The following CFAP61 variants were observed in gnomAD, a reference collection of about 807,000 sequenced individuals.
CFAP61 encodes cilia and flagella associated protein 61, also known as cilia- and flagella-associated protein 61.
CFAP61 carries 107 observed loss-of-function variants against 135.6 expected under a neutral mutation model. The ratio of observed to expected loss-of-function variants is 0.79; its 90% CI spans 0.67 to 0.93. The LOEUF (loss-of-function observed/expected upper bound fraction) is 0.93, where lower values mean the gene tolerates loss of function less well. Among genes scored for constraint, CFAP61 ranks in the 40% least tolerant of loss-of-function variants. The pLI, the probability that CFAP61 is intolerant of heterozygous loss-of-function variation, is 0.00. For missense variants in CFAP61, 1,507 were observed against 1,556.2 expected (o/e 0.97, Z 0.53); for synonymous variants, 575 against 578.5 (o/e 0.99, Z 0.09).
intron 26 of CFAP61, 89 bp downstream of exon 26, chr20:20,342,010 C>A: frequency 1.2e-6 from 1 of 838,916 alleles, no homozygotes; most frequent in Non-Finnish European, 1.9e-6. Flanking sequence ...CCCTACATTC[C>A]CATTTTATGG....
chr20:20,248,241 A>C (rs1186290641), intron 19 of CFAP61, among the ~76,000 whole-genome samples: 1 of 152,192 alleles, frequency 6.6e-6, no homozygotes, highest in Admixed American at 6.5e-5. Flanking sequence ...GCATGTCATC[A>C]CATTTCTTAG....
At position 20,169,473 on chromosome 20, in the gene CFAP61, A is replaced by G. The variant is rs1404084992; in HGVS notation, c.1385+13A>G. ...CTGGATTGCTCAAGTGAGTAGACAC[A>G]TGTTTGGCCACACAACAATCCATGA... On this transcript the variant is annotated intron_variant, in intron 13 of 26. Coordinates refer to ENST00000245957, the MANE Select transcript of CFAP61 (RefSeq NM_015585.4). 3 of 1,590,480 alleles carry G rather than the reference A, an allele frequency of 1.9e-6. No homozygotes were observed. The highest frequency in any genetic ancestry group is 2.6e-6 in the Non-Finnish European group (3 of 1,165,430).
In CFAP61 at chr20:20,067,646, T is replaced by A. The variant is rs894283425; in HGVS notation, c.144-3208T>A. Among the ~76,000 whole-genome samples the A allele has an allele frequency of 3.1e-4, 31 of 100,896 alleles. 1 individual carries two copies. Among genetic ancestry groups the A allele is most frequent in the Non-Finnish European group, 2.5e-4 (13 of 51,430 alleles). 66.2% of individuals were successfully genotyped at this position (100,896 alleles called of 152,430 possible). A position where few individuals can be genotyped will look rare whatever the true frequency, so the allele number is the denominator to read the frequency against. ...GACACAGCGAGACTCCATCTCAAAA[T>A]ATATATATATATATATAATATATAT... On this transcript the variant is annotated intron_variant, in intron 2 of 26. Transcript: ENST00000245957.
At chr20:20,111,226 C>G (rs1445026904) in intron 8 of CFAP61, among the ~76,000 whole-genome samples, 2 of 152,102 alleles carry the variant, frequency 1.3e-5, no homozygotes, top group Non-Finnish European at 2.9e-5. Context: ...AAAATGGTAA[C>G]AGACCACATT....
Position 20,350,793 on chromosome 20 carries a change from A to G in CFAP61, c.3513+8872A>G, listed in dbSNP as rs117437661. ...TAAACAAATGTGGTCTAGCCACGCA[A>G]TGGAATAGTATTCAGCCATGAAGAG... On this transcript the variant is annotated intron_variant, in intron 26 of 26. Transcript: ENST00000245957. 4.4e-3 allele frequency among the ~76,000 whole-genome samples: 667 copies of G among 152,370 alleles called. 3 individuals carry two copies. Among genetic ancestry groups the G allele is most frequent in the Middle Eastern group, 6.8e-3 (2 of 294 alleles).
chr20:20,253,350 T>C, intron 20 of CFAP61: 2 of 192,022 alleles, frequency 1.0e-5, no homozygotes, highest in South Asian at 1.8e-4. Flanking sequence ...TTCTGGGCTA[T>C]CTTTTTCTTC....
intron 11 of CFAP61, among the ~76,000 whole-genome samples, chr20:20,166,191 A>T (rs1162234375): frequency 1.3e-5 from 2 of 152,238 alleles, no homozygotes; most frequent in African/African-American, 4.8e-5. Flanking sequence ...ATTGATGTGA[A>T]AGTGCCTTCA....
chr20:20,298,151 T>C, intron 24 of CFAP61, 30 bp from the exon 25 acceptor site: 2 of 1,488,810 alleles, frequency 1.3e-6, no homozygotes, highest in Non-Finnish European at 9.4e-7. Flanking sequence ...GTTTCTAATG[T>C]TGTTTTTCTT....
intron 21 of CFAP61, among the ~76,000 whole-genome samples, chr20:20,275,333 A>G (rs2053670879): frequency 6.6e-6 from 1 of 152,236 alleles, no homozygotes; most frequent in Non-Finnish European, 1.5e-5. Context: ...CATTATTATG[A>G]TGATAACTGA....
At chr20:20,303,354 A>C (rs1254170440) in intron 25 of CFAP61, among the ~76,000 whole-genome samples, 1 of 152,044 alleles carries the variant, frequency 6.6e-6, no homozygotes, top group African/African-American at 2.4e-5. Context: ...TTGATTTGTG[A>C]TGAGTGTTTG....
At chr20:20,277,969 C>T (rs2053901167) in intron 22 of CFAP61, among the ~76,000 whole-genome samples, 1 of 152,178 alleles carries the variant, frequency 6.6e-6, no homozygotes, top group African/African-American at 2.4e-5. Flanking sequence ...CCCTGGATGA[C>T]CTGGCCTCTG....
Position 20,320,520 on chromosome 20 carries a change from A to G in CFAP61, c.3423-21311A>G, listed in dbSNP as rs1233011633. On this transcript the variant is annotated intron_variant, in intron 25 of 26. Coordinates refer to ENST00000245957, the MANE Select transcript of CFAP61 (RefSeq NM_015585.4). ...ATATATATTATATATGTAATATATA[A>G]TATATATTATATATGTAATATATAT... 8.7e-5 allele frequency among the ~76,000 whole-genome samples: 2 copies of G among 22,930 alleles called. 1 individual carries two copies. The highest frequency in any genetic ancestry group is 8.6e-4 in the African/African-American group (2 of 2,324). The allele number at this position is 22,930 out of a possible 152,430, so 15.0% of individuals were successfully genotyped here.
At chr20:20,273,807 G>A (rs775451999) in intron 21 of CFAP61, among the ~76,000 whole-genome samples, 5 of 152,200 alleles carry the variant, frequency 3.3e-5, no homozygotes, top group East Asian at 1.9e-4. Flanking sequence ...GGTGGAGACC[G>A]CCCACAGGCC....
intron 16 of CFAP61, among the ~76,000 whole-genome samples, chr20:20,197,254 C>T (rs893301420): frequency 2.6e-5 from 4 of 152,194 alleles, no homozygotes; most frequent in African/African-American, 7.2e-5. Context: ...AGAGAAAGTG[C>T]GGAGATGCCT....
intron 6 of CFAP61, among the ~76,000 whole-genome samples, chr20:20,081,831 T>A (rs2046453693): frequency 6.6e-6 from 1 of 152,242 alleles, no homozygotes; most frequent in South Asian, 2.1e-4. Context: ...ACAAGAGGAA[T>A]GATAGCAAAG....
At chr20:20,097,097 T>A (rs1448648671) in intron 7 of CFAP61, among the ~76,000 whole-genome samples, 1 of 932 alleles carries the variant, frequency 1.1e-3, no homozygotes, top group Non-Finnish European at 5.4e-3. Context: ...TTAATACCTA[T>A]TTTTTTTTTT....
intron 22 of CFAP61, among the ~76,000 whole-genome samples, chr20:20,279,578 T>G (rs2054030348): frequency 6.6e-6 from 1 of 151,608 alleles, no homozygotes; most frequent in African/African-American, 2.4e-5. Context: ...AGAGGAGGGG[T>G]GGGTCTTGCT....
rs1371575120 is a variant in CFAP61, at chr20:20,118,251, A to ATGTTTGTTTGTT, written c.859+19442_859+19443insGTTTGTTTGTTT. On this transcript the variant is annotated intron_variant, in intron 8 of 26. Transcript: ENST00000245957. ...TATATGGTCTTCATTATTTTGAGGT[A>ATGTTTGTTTGTT]TGTTTCTTTCTTTCTTTCTTTCTTT... 4.9e-3 allele frequency among the ~76,000 whole-genome samples: 553 copies of ATGTTTGTTTGTT among 113,730 alleles called. 2 individuals are homozygous for ATGTTTGTTTGTT. Among genetic ancestry groups the ATGTTTGTTTGTT allele is most frequent in the African/African-American group, 0.016 (507 of 31,792 alleles). 74.6% of individuals were successfully genotyped at this position (113,730 alleles called of 152,430 possible).
intron 25 of CFAP61, among the ~76,000 whole-genome samples, chr20:20,334,690 G>A (rs2122326764): frequency 6.6e-6 from 1 of 152,268 alleles, no homozygotes; most frequent in South Asian, 2.1e-4. Flanking sequence ...GTAAATCATA[G>A]CATGTGACAA....
Sources: allele counts gnomAD v4.1 joint callset (sites outside exome capture counted in the v4.1 genomes callset), GRCh38; gene constraint gnomAD v4.1.1; transcripts MANE v1.5; gene names NCBI Gene and HGNC (gene_info 2026-07-23, HGNC 2026-07-21).